GBP1: variants seen among roughly 807,000 people sequenced by gnomAD.
GBP1 encodes the protein guanylate binding protein 1.
Under a neutral mutation model 69.5 loss-of-function variants are expected in GBP1, and 64 were observed. The observed-to-expected ratio is 0.92, with a 90% CI of 0.75 to 1.13. The LOEUF (loss-of-function observed/expected upper bound fraction) is 1.13. Among genes scored for constraint, GBP1 ranks in the 50% most tolerant of loss-of-function variants. GBP1 has a pLI of 0.00. For synonymous variants in GBP1, 250 were observed against 261.2 expected (o/e 0.96, Z 0.41); for missense variants, 630 against 704.1 (o/e 0.89, Z 1.19).
intron 7 of GBP1, among the ~76,000 whole-genome samples, chr1:89,056,538 A>C (rs183375951): frequency 9.2e-5 from 14 of 152,378 alleles, no homozygotes; most frequent in Admixed American, 6.5e-4. Context: ...CAAGATAAGT[A>C]GGATGAAAAT....
chr1:89,060,764 A>G (rs933424478), intron 2 of GBP1, among the ~76,000 whole-genome samples: 2 of 152,266 alleles, frequency 1.3e-5, no homozygotes, highest in African/African-American at 4.8e-5. Flanking sequence ...AAAAAGTAAA[A>G]TTATCTCTGT....
chr1:89,059,554 T>TA, intron 3 of GBP1, 128 bp from the exon 4 acceptor site: 1 of 740,878 alleles, frequency 1.3e-6, no homozygotes, highest in Non-Finnish European at 2.0e-6. Context: ...TTTTTTTTTT[T>TA]AACACTAATG....
rs181198246 is a variant in GBP1 at position 89,055,901 on chromosome 1, C to G, written c.1368+115G>C. The G allele has an allele frequency of 1.0e-4, 129 of 1,246,410 alleles. No individual in the cohort carries two copies. The African/African-American group carries it at 1.8e-3, about 17-fold the overall frequency. The allele number at this position is 1,246,410 out of a possible 1,614,324, so 77.2% of individuals were successfully genotyped here. On this transcript the variant is annotated intron_variant, in intron 8 of 10. Transcript: ENST00000370473. ...GTTTGCATATGTTATTGAATAAAAG[C>G]ATGAATGTTATGCAAACAAAAAAGC...
At chr1:89,058,567 A>C (rs1680103848) in intron 5 of GBP1, 1 of 556,244 alleles carries the variant, frequency 1.8e-6, no homozygotes, top group Middle Eastern at 4.8e-4. Context: ...TCTATGGCTA[A>C]GTAGAAGATC....
chr1:89,062,376 T>G (rs1370658718), intron 2 of GBP1, among the ~76,000 whole-genome samples: 5 of 152,224 alleles, frequency 3.3e-5, no homozygotes, highest in African/African-American at 1.2e-4. Context: ...CTTGAAGACA[T>G]ATGAATTGAA....
chr1:89,057,650 T>C lies in GBP1; in HGVS notation c.874+342A>G, dbSNP rs146271320. ...GTGCTAGTCACTAAGTACGTGTAAA[T>C]ATTAGTCCTTGAAATACAGGCATGT... On this transcript the variant is annotated intron_variant, in intron 6 of 10. Transcript: ENST00000370473. Among the ~76,000 whole-genome samples, 448 of 152,378 alleles carry C rather than the reference T, an allele frequency of 2.9e-3. 2 individuals carry two copies. Among genetic ancestry groups the C allele is most frequent in the Admixed American group, 6.9e-3 (106 of 15,300 alleles).
chr1:89,059,910 A>G (rs1420100622), intron 3 of GBP1, among the ~76,000 whole-genome samples: 1 of 152,234 alleles, frequency 6.6e-6, no homozygotes, highest in African/African-American at 2.4e-5. Context: ...CATACATTTT[A>G]AAGATTAGAA....
chr1:89,059,041 T>C lies in GBP1; in HGVS notation c.431A>G (p.Tyr144Cys), dbSNP rs747870058. 3 of 1,614,186 alleles carry C rather than the reference T, an allele frequency of 1.9e-6. No homozygotes were observed. In the East Asian group the frequency reaches 6.7e-5, roughly 36 times the overall value. Residue 144 changes from tyrosine (Y) to cysteine (C), a missense_variant and splice_region_variant, in exon 5 of 11, where the codon TAT (tyrosine) becomes TGT (cysteine). Tyr to Cys is a radical substitution (Grantham distance 194, BLOSUM62 -2). This residue lies in a region of GBP1 where 26 missense variants were observed against 54.9 expected (regional missense o/e 0.47). Coordinates refer to ENST00000370473, the MANE Select transcript of GBP1 (RefSeq NM_002053.3). ...INQQAMDQLY[Y>C]VTELTHRIRS... is the part of the protein sequence containing the mutation. ...GATTCTATGTGTCAGCTCTGTCACATAGCTGAGTAGCTAACTAAGGAAATG... is the reference window on the plus strand; with the variant it reads ...GATTCTATGTGTCAGCTCTGTCACACAGCTGAGTAGCTAACTAAGGAAATG...
At chr1:89,053,589 T>G in intron 10 of GBP1, 121 bp from the exon 11 acceptor site, 2 of 1,442,166 alleles carry the variant, frequency 1.4e-6, no homozygotes, top group Non-Finnish European at 1.8e-6. Flanking sequence ...AAGACGTAAA[T>G]GTCATACTTT....
At chr1:89,055,289 A>G (rs1051649678) in intron 8 of GBP1, 74 bp from the exon 9 acceptor site, 2 of 1,597,136 alleles carry the variant, frequency 1.3e-6, no homozygotes, top group African/African-American at 1.4e-5. Context: ...TCTTCCTGCC[A>G]TCCTTTCTCC....
chr1:89,063,511 T>C (rs1270885729), intron 1 of GBP1, among the ~76,000 whole-genome samples: 4 of 152,244 alleles, frequency 2.6e-5, no homozygotes, highest in Admixed American at 2.6e-4. Context: ...TGGAAAACTT[T>C]CTTTTTGGAT....
intron 1 of GBP1, among the ~76,000 whole-genome samples, chr1:89,064,824 A>T (rs1414183273): frequency 6.6e-6 from 1 of 152,228 alleles, no homozygotes; most frequent in Non-Finnish European, 1.5e-5. Flanking sequence ...TCATATCCCT[A>T]GTCAACATAG....
At position 89,056,299 on chromosome 1, in the gene GBP1, A is replaced by G. The variant is rs1680043955; in HGVS notation, c.1156-71T>C. ...GTTAGCTTGACCTCAGAATTTTGGG[A>G]ACGATTTCTGAAAATAGAAGTCAAT... On this transcript the variant is annotated intron_variant, in intron 7 of 10. Transcript: ENST00000370473. 3.1e-6 allele frequency: 5 copies of G among 1,610,990 alleles called. No individual in the cohort carries two copies. In the Admixed American group the frequency reaches 6.7e-5, roughly 22 times the overall value.
At chr1:89,055,870 C>G in intron 8 of GBP1, 146 bp downstream of exon 8, 1 of 954,898 alleles carries the variant, frequency 1.0e-6, no homozygotes, top group Non-Finnish European at 1.7e-6. Context: ...TCTGGTATAA[C>G]AGCCTGTTTG....
chr1:89,058,794 T>C, intron 5 of GBP1, 47 bp downstream of exon 5: 11 of 1,589,756 alleles, frequency 6.9e-6, no homozygotes, highest in Non-Finnish European at 9.5e-6. Context: ...AAATGATAAT[T>C]TCTTGTGTTT....
intron 7 of GBP1, 148 bp from the exon 8 acceptor site, chr1:89,056,376 A>AC: frequency 7.3e-7 from 1 of 1,375,212 alleles, no homozygotes; most frequent in Non-Finnish European, 9.9e-7. Context: ...CTTCCTTCTG[A>AC]CCCCACTTTC....
chr1:89,056,965 T>C lies in GBP1; in HGVS notation c.1044A>G (p.Glu348=). 1 of 1,614,220 alleles carries C rather than the reference T, an allele frequency of 6.2e-7. No homozygotes were observed. Among genetic ancestry groups the C allele is most frequent in the East Asian group, 2.2e-5 (1 of 44,884 alleles). The change falls in exon 7 of 11, where the codon GAA becomes GAG. Residue 348 remains glutamate (E), a synonymous_variant. Transcript: ENST00000370473. ...QMGQKVQLPT[E]TLQELLDLHR... ...GCAGGTCCAGCAGCTCCTGGAGGGT[T>C]TCTGTGGGCAGCTGCACCTTCTGGC...
intron 8 of GBP1, 130 bp downstream of exon 8, chr1:89,055,886 G>A: frequency 9.0e-7 from 1 of 1,112,730 alleles, no homozygotes; most frequent in Non-Finnish European, 1.4e-6. Flanking sequence ...GTTTGCATAT[G>A]TTATTGAATA....
chr1:89,060,412 G>C, intron 2 of GBP1, 88 bp from the exon 3 acceptor site: 1 of 1,219,040 alleles, frequency 8.2e-7, no homozygotes, highest in Non-Finnish European at 1.1e-6. Flanking sequence ...TTAAGGTTAA[G>C]AGAGAGAACT....
Sources: allele counts gnomAD v4.1 joint callset (sites outside exome capture counted in the v4.1 genomes callset), GRCh38; gene constraint gnomAD v4.1.1; regional missense constraint gnomAD v4.1.1; transcripts MANE v1.5; gene names NCBI Gene and HGNC (gene_info 2026-07-23, HGNC 2026-07-21).